Variants in HMGCLL1 observed in about 807,000 individuals in gnomAD.
HMGCLL1 encodes 3-hydroxymethyl-3-methylglutaryl-CoA lyase, cytoplasmic.
Under a neutral mutation model 39.1 loss-of-function variants are expected in HMGCLL1, and 36 were observed. The ratio of observed to expected loss-of-function variants is 0.92; its 90% CI spans 0.71 to 1.22. The LOEUF is 1.22. HMGCLL1 is among the 50% of genes most tolerant of loss of function. HMGCLL1 has a pLI of 0.00. For synonymous variants in HMGCLL1, 149 were observed against 144.0 expected (o/e 1.03, Z -0.25); for missense variants, 451 against 416.5 (o/e 1.08, Z -0.72).
the HMGCLL1 span, among the ~76,000 whole-genome samples, chr6:55,587,809 G>T: frequency 6.6e-6 from 1 of 152,022 alleles, no homozygotes; most frequent in Non-Finnish European, 1.5e-5. Flanking sequence ...GACAAAGAAG[G>T]CCATCACATA....
chr6:55,539,061 C>T (rs963044397), intron 3 of HMGCLL1, among the ~76,000 whole-genome samples: 1 of 152,116 alleles, frequency 6.6e-6, no homozygotes, highest in African/African-American at 2.4e-5. Flanking sequence ...CGCAGAAATA[C>T]AGATACACAT....
intron 7 of HMGCLL1, among the ~76,000 whole-genome samples, chr6:55,473,368 TC>T (rs1285868121): frequency 6.6e-6 from 1 of 151,386 alleles, no homozygotes; most frequent in Non-Finnish European, 1.5e-5. Context: ...ATATGATTCT[TC>T]TGTACTTTAT....
the HMGCLL1 span, among the ~76,000 whole-genome samples, chr6:55,651,034 G>C: frequency 6.6e-6 from 1 of 152,046 alleles, no homozygotes; most frequent in Non-Finnish European, 1.5e-5. Context: ...GGTCTATCCT[G>C]CTGTGGCCAA....
intron 7 of HMGCLL1, among the ~76,000 whole-genome samples, chr6:55,479,170 G>A (rs1765602701): frequency 1.3e-5 from 2 of 151,318 alleles, no homozygotes; most frequent in Admixed American, 6.6e-5. Flanking sequence ...ACCAGGCTTG[G>A]GCTTCATACA....
At chr6:55,626,008 C>A in the HMGCLL1 span, among the ~76,000 whole-genome samples, 1 of 152,120 alleles carries the variant, frequency 6.6e-6, no homozygotes, top group African/African-American at 2.4e-5. Context: ...GTTATGCATG[C>A]ACTCAGTAAT....
At chr6:55,656,073 T>C in the HMGCLL1 span, among the ~76,000 whole-genome samples, 1 of 152,144 alleles carries the variant, frequency 6.6e-6, no homozygotes, top group South Asian at 2.1e-4. Context: ...TCTACTGAAC[T>C]CATGATTTAG....
chr6:55,629,616 C>A, the HMGCLL1 span, among the ~76,000 whole-genome samples: 13 of 152,052 alleles, frequency 8.5e-5, no homozygotes, highest in Non-Finnish European at 1.5e-4. Flanking sequence ...CACAGCAGAC[C>A]CTCCCATCAC....
chr6:55,593,641 T>C, the HMGCLL1 span, among the ~76,000 whole-genome samples: 1 of 152,194 alleles, frequency 6.6e-6, no homozygotes, highest in Admixed American at 6.6e-5. Context: ...CCAAGTTTTA[T>C]ATCTAATCAA....
Position 55,446,273 on chromosome 6 carries a change from T to C in HMGCLL1, c.796-6714A>G, listed in dbSNP as rs142566928. Reference sequence around the variant, plus strand: ...ATAACATATATAACATGTATATTTATAACATATTTATTTAAATATTTATAA... The same window carrying C: ...ATAACATATATAACATGTATATTTACAACATATTTATTTAAATATTTATAA... On this transcript the variant is annotated intron_variant, in intron 7 of 8. Coordinates refer to ENST00000274901, the MANE Select transcript of HMGCLL1 (RefSeq NM_001042406.2). Among the ~76,000 whole-genome samples the C allele has an allele frequency of 5.1e-3, 758 of 148,322 alleles. 1 individual carries two copies. Among genetic ancestry groups the C allele is most frequent in the Middle Eastern group, 0.018 (5 of 280 alleles).
chr6:55,473,592 G>T (rs1056787034), intron 7 of HMGCLL1, among the ~76,000 whole-genome samples: 1 of 151,178 alleles, frequency 6.6e-6, no homozygotes, highest in Non-Finnish European at 1.5e-5. Flanking sequence ...CAATTACCCT[G>T]TACCTTGTTA....
intron 7 of HMGCLL1, among the ~76,000 whole-genome samples, chr6:55,456,496 C>T (rs1764327438): frequency 6.6e-6 from 1 of 152,116 alleles, no homozygotes; most frequent in African/African-American, 2.4e-5. Flanking sequence ...AAAAAGAGTT[C>T]TTTCTTGTCC....
chr6:55,576,929 A>G (rs1016548322), intron 1 of HMGCLL1: 1 of 1,071,030 alleles, frequency 9.3e-7, no homozygotes, highest in African/African-American at 1.6e-5. Flanking sequence ...TGAGCAGCTG[A>G]ACATCTGGAC....
At chr6:55,657,623 G>A in the HMGCLL1 span, among the ~76,000 whole-genome samples, 2 of 151,782 alleles carry the variant, frequency 1.3e-5, no homozygotes, top group Non-Finnish European at 2.9e-5. Context: ...GTTCATTGTA[G>A]CACTATTCAC....
At chr6:55,612,780 C>T in the HMGCLL1 span, among the ~76,000 whole-genome samples, 3 of 152,150 alleles carry the variant, frequency 2.0e-5, no homozygotes, top group African/African-American at 7.2e-5. Context: ...CCCTTCCTTA[C>T]ACCTTATAAA....
chr6:55,603,021 A>T, the HMGCLL1 span, among the ~76,000 whole-genome samples: 1 of 152,058 alleles, frequency 6.6e-6, no homozygotes, highest in African/African-American at 2.4e-5. Flanking sequence ...CTGCTGTTCC[A>T]GAGACCAAAC....
chr6:55,435,950 T>G (rs1352757522), intron 8 of HMGCLL1, among the ~76,000 whole-genome samples, 187 bp from the exon 9 acceptor site: 6 of 152,104 alleles, frequency 3.9e-5, no homozygotes, highest in East Asian at 1.9e-4. Context: ...ATTTTAGATT[T>G]GTCTGCTTTA....
chr6:55,495,384 A>T (rs757880636), intron 7 of HMGCLL1, 35 bp downstream of exon 7: 1 of 1,504,496 alleles, frequency 6.6e-7, no homozygotes, highest in South Asian at 1.2e-5. Context: ...TGAACACCCT[A>T]TGCACACACA....
chr6:55,512,606 A>G (rs1767522498), intron 5 of HMGCLL1: 1 of 152,144 alleles, frequency 6.6e-6, no homozygotes, highest in South Asian at 2.1e-4. Context: ...GAAAAATATA[A>G]ATAGAAAACA....
intron 1 of HMGCLL1, among the ~76,000 whole-genome samples, chr6:55,549,761 T>C (rs1770213262): frequency 6.6e-6 from 1 of 151,764 alleles, no homozygotes; most frequent in South Asian, 2.1e-4. Flanking sequence ...CAATCAAATT[T>C]CATTACTTTT....
Sources: allele counts gnomAD v4.1 joint callset (sites outside exome capture counted in the v4.1 genomes callset), GRCh38; gene constraint gnomAD v4.1.1; transcripts MANE v1.5; gene names NCBI Gene and HGNC (gene_info 2026-07-23, HGNC 2026-07-21).